Variants in HDAC4 observed in about 807,000 individuals in gnomAD.
HDAC4 encodes histone deacetylase 4.
A neutral mutation model predicts 135.1 loss-of-function variants in HDAC4; 16 were observed. That is an observed-to-expected ratio of 0.12 (90% CI 0.08 to 0.18). The LOEUF (loss-of-function observed/expected upper bound fraction) is 0.18. Ranked by LOEUF, HDAC4 falls within the 10% of genes least tolerant of loss-of-function variation. The pLI, the probability that HDAC4 is intolerant of heterozygous loss-of-function variation, is 1.00. For synonymous variants in HDAC4, 685 were observed against 653.4 expected, an observed-to-expected ratio of 1.05 and a Z score of -0.74; for missense variants, 1,143 against 1,511.8, an observed-to-expected ratio of 0.76 and a Z score of 4.05.
rs34053864 is a variant in HDAC4, at chr2:239,288,066, TA to T, written c.23-51403del. ...TCTTAAATAAACTATCCCTGTAAGT[TA>T]AAAAAAAAAAAGACCTTAAAAAAGG... On this transcript the variant is annotated intron_variant, in intron 2 of 26. Transcript: ENST00000543185. 6.0e-3 allele frequency among the ~76,000 whole-genome samples: 867 copies of T among 144,738 alleles called. 2 individuals carry two copies. Among genetic ancestry groups the T allele is most frequent in the Admixed American group, 8.6e-3 (125 of 14,548 alleles). The allele number at this position is 144,738 out of a possible 152,430, so 95.0% of individuals were successfully genotyped here.
At chr2:239,192,111 T>C (rs1052278291) in intron 3 of HDAC4, among the ~76,000 whole-genome samples, 4 of 152,204 alleles carry the variant, frequency 2.6e-5, no homozygotes, top group African/African-American at 9.6e-5. Flanking sequence ...GTGAGAAGAA[T>C]CTACGCACAT....
At chr2:239,164,146 T>C (rs2042988395) in intron 5 of HDAC4, among the ~76,000 whole-genome samples, 1 of 152,174 alleles carries the variant, frequency 6.6e-6, no homozygotes, top group Non-Finnish European at 1.5e-5. Context: ...CTATTTAAAA[T>C]GCAGATTTAA....
At chr2:239,162,093 G>A (rs2042835082) in intron 6 of HDAC4, 1 of 456,536 alleles carries the variant, frequency 2.2e-6, no homozygotes, top group Middle Eastern at 3.3e-4. Context: ...TCTGGGGGCT[G>A]CCCTGTGCTC....
chr2:239,375,749 G>A (rs923268720), intron 1 of HDAC4, among the ~76,000 whole-genome samples: 5 of 152,212 alleles, frequency 3.3e-5, no homozygotes, highest in South Asian at 4.1e-4. Context: ...CCACTGCCAG[G>A]TGCTCTGGAC....
chr2:239,202,500 C>A (rs888466588), intron 3 of HDAC4, among the ~76,000 whole-genome samples: 1 of 152,088 alleles, frequency 6.6e-6, no homozygotes, highest in Admixed American at 6.5e-5. Context: ...TCTATCGGGG[C>A]GACAGCAGGA....
intron 6 of HDAC4, among the ~76,000 whole-genome samples, chr2:239,161,330 C>T (rs77516078): frequency 0.034 from 5,126 of 152,122 alleles, 287 homozygotes; most frequent in African/African-American, 0.12. Context: ...GGTATCTAGC[C>T]GATGATTTTG....
chr2:239,399,083 G>A (rs1696762680), intron 1 of HDAC4, among the ~76,000 whole-genome samples: 1 of 152,208 alleles, frequency 6.6e-6, no homozygotes, highest in African/African-American at 2.4e-5. Flanking sequence ...GAGTTCTTCT[G>A]GGGAAAGATG....
chr2:239,234,490 G>A (rs1372817329), intron 3 of HDAC4, among the ~76,000 whole-genome samples: 1 of 152,078 alleles, frequency 6.6e-6, no homozygotes, highest in Non-Finnish European at 1.5e-5. Flanking sequence ...CCTTGAACGG[G>A]GATATAAAGG....
At chr2:239,317,462 C>T (rs183224979) in intron 2 of HDAC4, among the ~76,000 whole-genome samples, 6 of 151,808 alleles carry the variant, frequency 4.0e-5, no homozygotes, top group Admixed American at 6.6e-5. Context: ...TAAGTACAGG[C>T]GAGATTAGGA....
intron 1 of HDAC4, among the ~76,000 whole-genome samples, chr2:239,384,712 T>C (rs1695666655): frequency 6.6e-6 from 1 of 152,220 alleles, no homozygotes. Context: ...GAGTCTGCTT[T>C]GTTTCAGTGG....
At chr2:239,106,688 G>T (rs1295913110) in intron 15 of HDAC4, among the ~76,000 whole-genome samples, 1 of 122,114 alleles carries the variant, frequency 8.2e-6, no homozygotes, top group Non-Finnish European at 1.7e-5. Flanking sequence ...AAAGGAAACG[G>T]GGGGTAAGAT....
At chr2:239,073,615 T>G (rs2034424576) in intron 22 of HDAC4, among the ~76,000 whole-genome samples, 1 of 152,248 alleles carries the variant, frequency 6.6e-6, no homozygotes, top group African/African-American at 2.4e-5. Context: ...GTAACATTCT[T>G]CCATGCATGA....
intron 16 of HDAC4, among the ~76,000 whole-genome samples, chr2:239,101,612 C>T (rs1270777876): frequency 1.3e-5 from 2 of 152,158 alleles, no homozygotes; most frequent in Non-Finnish European, 2.9e-5. Flanking sequence ...TATGCTCTTC[C>T]CAGGGCAAAG....
intron 1 of HDAC4, among the ~76,000 whole-genome samples, chr2:239,364,238 C>T (rs1254083019): frequency 1.3e-5 from 2 of 152,188 alleles, no homozygotes; most frequent in South Asian, 2.1e-4. Flanking sequence ...TACGAAGACA[C>T]GGCAGCATTA....
At chr2:239,304,999 G>A (rs2052496517) in intron 2 of HDAC4, among the ~76,000 whole-genome samples, 1 of 152,140 alleles carries the variant, frequency 6.6e-6, no homozygotes, top group Admixed American at 6.5e-5. Flanking sequence ...ACAGTCCCGC[G>A]CTTTCTTCCA....
intron 7 of HDAC4, among the ~76,000 whole-genome samples, chr2:239,145,403 G>A (rs1008074390): frequency 9.4e-6 from 1 of 106,120 alleles, no homozygotes; most frequent in East Asian, 2.9e-4. Flanking sequence ...GAACAGCTCT[G>A]CCTGTGTGGA....
At chr2:239,090,143 G>A in intron 17 of HDAC4, 27 bp from the exon 18 acceptor site, 1 of 1,529,322 alleles carries the variant, frequency 6.5e-7, no homozygotes, top group Non-Finnish European at 9.1e-7. Flanking sequence ...CCACAGTGAG[G>A]TCACCCTCCC....
intron 2 of HDAC4, among the ~76,000 whole-genome samples, chr2:239,336,120 CAATAAG>C (rs1386141827): frequency 6.6e-6 from 1 of 152,092 alleles, no homozygotes; most frequent in African/African-American, 2.4e-5. Flanking sequence ...ATAATCCAGA[CAATAAG>C]AATAAGTATT....
At chr2:239,294,920 C>A (rs931577529) in intron 2 of HDAC4, among the ~76,000 whole-genome samples, 1 of 152,236 alleles carries the variant, frequency 6.6e-6, no homozygotes, top group East Asian at 1.9e-4. Context: ...GTGGGAGGCC[C>A]GGGAGAGACT....
Sources: gnomAD v4.1 joint callset for allele counts (sites outside exome capture counted in the v4.1 genomes callset) on GRCh38, gnomAD v4.1.1 for gene constraint, MANE v1.5 for transcripts, NCBI Gene and HGNC (gene_info 2026-07-23, HGNC 2026-07-21) for gene names.